The following SLC25A40 variants were observed in gnomAD, a reference collection of about 807,000 sequenced individuals.
SLC25A40 encodes the protein solute carrier family 25 member 40, also known as mitochondrial glutathione transporter SLC25A40.
In SLC25A40, 41 loss-of-function variants were observed where a neutral mutation model predicts 46.5. The ratio of observed to expected loss-of-function variants is 0.88; its 90% CI spans 0.69 to 1.14. The LOEUF (loss-of-function observed/expected upper bound fraction) is 1.14, where lower values mean the gene tolerates loss of function less well. Among genes scored for constraint, SLC25A40 ranks in the 50% most tolerant of loss-of-function variants. SLC25A40 has a pLI of 0.00. For synonymous variants in SLC25A40, 126 were observed against 127.5 expected, an observed-to-expected ratio of 0.99 and a Z score of 0.08; for missense variants, 386 against 393.6, an observed-to-expected ratio of 0.98 and a Z score of 0.16.
At chr7:87,860,279 A>G (rs901690281) in intron 2 of SLC25A40, 9 of 152,174 alleles carry the variant, frequency 5.9e-5, no homozygotes, top group Admixed American at 1.3e-4. Flanking sequence ...CTATACTTCT[A>G]CTGGCAATAT....
intron 5 of SLC25A40, among the ~76,000 whole-genome samples, chr7:87,851,928 AAG>A (rs1339241045): frequency 1.3e-5 from 2 of 152,190 alleles, no homozygotes; most frequent in Admixed American, 6.5e-5. Flanking sequence ...AAACACAACA[AAG>A]AGAAAATTTT....
In SLC25A40 at chr7:87,833,603, C is replaced by CTT. The variant is rs1242067104; in HGVS notation, c.*2644_*2645dup. On this transcript the variant is annotated 3_prime_UTR_variant, in exon 12 of 12. Coordinates refer to ENST00000341119, the MANE Select transcript of SLC25A40 (RefSeq NM_018843.4). Reference sequence around the variant, plus strand: ...AATATCTTTTATTTAAAAAGTTCATCTTAGAAGAAAATTCAAAAGGGATAC... The same window carrying CTT: ...AATATCTTTTATTTAAAAAGTTCATCTTTTAGAAGAAAATTCAAAAGGGATAC... 2 of 151,884 alleles carry CTT rather than the reference C, an allele frequency of 1.3e-5. No homozygotes were observed. Among genetic ancestry groups the CTT allele is most frequent in the Admixed American group, 6.6e-5 (1 of 15,180 alleles). The allele number at this position is 151,884 out of a possible 1,614,324, so 9.4% of individuals were successfully genotyped here.
rs1311142258 is a variant in SLC25A40 at position 87,859,618 on chromosome 7, A to G, written c.-24-867T>C. On this transcript the variant is annotated intron_variant, in intron 2 of 11. Coordinates refer to ENST00000341119, the MANE Select transcript of SLC25A40 (RefSeq NM_018843.4). Reference sequence around the variant, plus strand: ...TCCGTGTACATACAGCTTTTCTGAAAAACAGGTCAATACTATTTTGCTTGT... The same window carrying G: ...TCCGTGTACATACAGCTTTTCTGAAGAACAGGTCAATACTATTTTGCTTGT... 2.0e-5 allele frequency among the ~76,000 whole-genome samples: 3 copies of G among 152,292 alleles called. No individual in the cohort carries two copies. In the East Asian group the frequency reaches 5.8e-4, roughly 29 times the overall value.
chr7:87,851,197 G>A (rs561338587), intron 5 of SLC25A40, among the ~76,000 whole-genome samples: 1 of 152,100 alleles, frequency 6.6e-6, no homozygotes, highest in African/African-American at 2.4e-5. Context: ...ATCAAATGAT[G>A]AATGAATAAA....
Position 87,852,265 on chromosome 7 carries a change from C to T in SLC25A40, c.264+1939G>A, listed in dbSNP as rs1205133524. Among the ~76,000 whole-genome samples, 3 of 151,946 alleles carry T rather than the reference C, an allele frequency of 2.0e-5. No homozygotes were observed. In the East Asian group the frequency reaches 5.8e-4, roughly 29 times the overall value. On this transcript the variant is annotated intron_variant, in intron 5 of 11. Coordinates refer to ENST00000341119, the MANE Select transcript of SLC25A40 (RefSeq NM_018843.4). ...AAAGACAAAGGAACTTTGGGAATAG[C>T]GAAAACAACTTTGAAAAAAAAATAA... is the stretch of plus-strand genomic sequence containing the variant.
chr7:87,851,509 C>G (rs1838509977), intron 5 of SLC25A40, among the ~76,000 whole-genome samples: 1 of 152,092 alleles, frequency 6.6e-6, no homozygotes, highest in Non-Finnish European at 1.5e-5. Context: ...CAATAAGGAA[C>G]CAAGATTTTT....
chr7:87,853,997 A>G (rs1838560778), intron 5 of SLC25A40, among the ~76,000 whole-genome samples: 1 of 152,180 alleles, frequency 6.6e-6, no homozygotes, highest in South Asian at 2.1e-4. Context: ...TCTCAAAATA[A>G]AAATGTTTAG....
chr7:87,867,312 CTGTG>C (rs951024629), intron 1 of SLC25A40, among the ~76,000 whole-genome samples: 1 of 152,304 alleles, frequency 6.6e-6, no homozygotes, highest in Non-Finnish European at 1.5e-5. Context: ...TTATTCTCCT[CTGTG>C]TGTTTTCAAA....
At chr7:87,863,385 C>A (rs957562139) in intron 1 of SLC25A40, among the ~76,000 whole-genome samples, 21 of 151,936 alleles carry the variant, frequency 1.4e-4, no homozygotes, top group Admixed American at 3.9e-4. Context: ...GGCTTTCCCC[C>A]CTTTTGCTTG....
chr7:87,875,858 G>A (rs996220924), intron 1 of SLC25A40, among the ~76,000 whole-genome samples: 28 of 152,304 alleles, frequency 1.8e-4, no homozygotes, highest in African/African-American at 6.7e-4. Context: ...CCCCGGGGCC[G>A]CCCTCACTCC....
chr7:87,872,799 T>TA, intron 1 of SLC25A40, among the ~76,000 whole-genome samples: 1 of 152,188 alleles, frequency 6.6e-6, no homozygotes, highest in East Asian at 1.9e-4. Context: ...CTGTCTCTAC[T>TA]AAAAATACAA....
At chr7:87,864,838 G>A (rs1321311612) in intron 1 of SLC25A40, among the ~76,000 whole-genome samples, 4 of 152,074 alleles carry the variant, frequency 2.6e-5, no homozygotes, top group Admixed American at 2.6e-4. Flanking sequence ...ACTTACCACT[G>A]CCCTTTTGTT....
chr7:87,875,245 A>G (rs898532172), intron 1 of SLC25A40, among the ~76,000 whole-genome samples: 7 of 152,184 alleles, frequency 4.6e-5, no homozygotes, highest in African/African-American at 1.7e-4. Context: ...AGTCATAAAC[A>G]TCTTTAACTG....
intron 7 of SLC25A40, among the ~76,000 whole-genome samples, 161 bp downstream of exon 7, chr7:87,847,692 A>G (rs1023323567): frequency 5.9e-5 from 9 of 152,190 alleles, no homozygotes; most frequent in African/African-American, 2.2e-4. Context: ...ATTCCATATG[A>G]CTTCTGGAGT....
chr7:87,858,940 A>G (rs1273701036), intron 2 of SLC25A40, among the ~76,000 whole-genome samples, 189 bp from the exon 3 acceptor site: 2 of 152,124 alleles, frequency 1.3e-5, no homozygotes, highest in Non-Finnish European at 2.9e-5. Context: ...CCTCATACAC[A>G]CTACTAAAAA....
chr7:87,844,841 G>A (rs1372702733), intron 8 of SLC25A40, among the ~76,000 whole-genome samples: 1 of 152,040 alleles, frequency 6.6e-6, no homozygotes, highest in Non-Finnish European at 1.5e-5. Flanking sequence ...AAAAAAAAGA[G>A]ATGAATACAA....
chr7:87,870,453 A>G (rs901290254), intron 1 of SLC25A40, among the ~76,000 whole-genome samples: 28 of 152,272 alleles, frequency 1.8e-4, no homozygotes, highest in African/African-American at 6.5e-4. Context: ...TAGGGACAAG[A>G]GGCAGATAAA....
chr7:87,842,329 A>G (rs1838348049), intron 9 of SLC25A40: 1 of 152,628 alleles, frequency 6.6e-6, no homozygotes, highest in South Asian at 2.0e-4. Flanking sequence ...AATAATTTAC[A>G]TTTTTTCCAC....
chr7:87,835,666 G>A lies in SLC25A40; in HGVS notation c.*583C>T, dbSNP rs1838247981. On this transcript the variant is annotated 3_prime_UTR_variant, in exon 12 of 12. Coordinates refer to ENST00000341119, the MANE Select transcript of SLC25A40 (RefSeq NM_018843.4). Reference sequence around the variant, plus strand: ...AGGAAAACAGCCACAATTTTGATCAGAGAAATGTTAATACATATGAAGCCT... The same window carrying A: ...AGGAAAACAGCCACAATTTTGATCAAAGAAATGTTAATACATATGAAGCCT... 1.3e-5 allele frequency: 2 copies of A among 151,640 alleles called. No individual in the cohort carries two copies. The highest frequency in any genetic ancestry group is 1.3e-4 in the Admixed American group (2 of 15,152). The allele number at this position is 151,640 out of a possible 1,614,324, so 9.4% of individuals were successfully genotyped here.
Sources: allele counts gnomAD v4.1 joint callset (sites outside exome capture counted in the v4.1 genomes callset), GRCh38; gene constraint gnomAD v4.1.1; transcripts MANE v1.5; gene names NCBI Gene and HGNC (gene_info 2026-07-23, HGNC 2026-07-21).